Variants in HTR4 observed in about 807,000 individuals in gnomAD.
HTR4 encodes the protein 5-hydroxytryptamine receptor 4.
Under a neutral mutation model 36.8 loss-of-function variants are expected in HTR4, and 16 were observed. That is an observed-to-expected ratio of 0.43 (90% CI 0.29 to 0.66). The LOEUF is 0.66. Ranked by LOEUF, HTR4 falls within the 30% of genes least tolerant of loss-of-function variation. The pLI is 0.13. For missense variants in HTR4, 438 were observed against 490.9 expected (o/e 0.89, Z 1.02); for synonymous variants, 189 against 185.1 (o/e 1.02, Z -0.17).
chr5:148,567,718 T>G (rs1316986510), intron 2 of HTR4, among the ~76,000 whole-genome samples: 1 of 152,158 alleles, frequency 6.6e-6, no homozygotes, highest in Non-Finnish European at 1.5e-5. Context: ...CTAGGTTCCC[T>G]TTTTGTCTTC....
chr5:148,492,849 C>T lies in HTR4; in HGVS notation c.1077-9556G>A, dbSNP rs74484367. 2.3e-3 allele frequency among the ~76,000 whole-genome samples: 352 copies of T among 152,308 alleles called. 3 individuals are homozygous for T. The highest frequency in any genetic ancestry group is 7.7e-3 in the African/African-American group (319 of 41,574). On this transcript the variant is annotated intron_variant, in intron 6 of 6. Transcript: ENST00000377888. ...GAAACCCAGGTGGGCCAGATTCCAGCACCTGCAGCCATGGCACTGTGCTGG... is the reference window on the plus strand; with the variant it reads ...GAAACCCAGGTGGGCCAGATTCCAGTACCTGCAGCCATGGCACTGTGCTGG...
downstream of HTR4, among the ~76,000 whole-genome samples, chr5:148,471,929 G>C (rs1475034426): frequency 6.6e-6 from 1 of 152,136 alleles, no homozygotes; most frequent in South Asian, 2.1e-4. Flanking sequence ...TGAGAAAAAG[G>C]GAAACACAAA....
chr5:148,601,417 GC>G (rs1399786458), intron 2 of HTR4, among the ~76,000 whole-genome samples: 4 of 152,132 alleles, frequency 2.6e-5, no homozygotes, highest in Non-Finnish European at 5.9e-5. Flanking sequence ...TTTCATAATA[GC>G]CAAGATGGAA....
chr5:148,632,816 G>A (rs576721736), intron 2 of HTR4, among the ~76,000 whole-genome samples: 8 of 152,202 alleles, frequency 5.3e-5, no homozygotes, highest in South Asian at 2.1e-4. Flanking sequence ...CGTGTCAGCC[G>A]GGAGAATCTG....
intron 2 of HTR4, among the ~76,000 whole-genome samples, chr5:148,613,264 T>C (rs1161398954): frequency 0.023 from 3,278 of 139,524 alleles, 134 homozygotes; most frequent in African/African-American, 0.079. Flanking sequence ...TGATGAACAT[T>C]GATGCAAAAA....
intron 2 of HTR4, among the ~76,000 whole-genome samples, chr5:148,613,852 TG>T (rs1183014525): frequency 6.6e-6 from 1 of 152,056 alleles, no homozygotes; most frequent in Non-Finnish European, 1.5e-5. Context: ...ACAAAATCAA[TG>T]TGCAAAAATC....
At chr5:148,523,724 C>A (rs183566586) in intron 4 of HTR4, among the ~76,000 whole-genome samples, 1 of 152,126 alleles carries the variant, frequency 6.6e-6, no homozygotes, top group Non-Finnish European at 1.5e-5. Flanking sequence ...GCCCCACAGT[C>A]CTCTCCATCT....
intron 2 of HTR4, among the ~76,000 whole-genome samples, chr5:148,608,783 A>C (rs1256382233): frequency 6.6e-6 from 1 of 152,250 alleles, no homozygotes; most frequent in Non-Finnish European, 1.5e-5. Context: ...ATATTGCAGT[A>C]ACCCAGGTGA....
At chr5:148,591,309 G>A (rs1309004879) in intron 2 of HTR4, among the ~76,000 whole-genome samples, 1 of 151,956 alleles carries the variant, frequency 6.6e-6, no homozygotes. Flanking sequence ...TTGGCTATTA[G>A]GGCTCTTTTT....
At chr5:148,581,154 G>A (rs796643853) in intron 2 of HTR4, among the ~76,000 whole-genome samples, 4 of 152,014 alleles carry the variant, frequency 2.6e-5, no homozygotes, top group African/African-American at 7.2e-5. Flanking sequence ...CTTTGGAGAA[G>A]TGTCTATTCA....
At chr5:148,501,300 T>C (rs1281296560) in intron 6 of HTR4, among the ~76,000 whole-genome samples, 2 of 152,204 alleles carry the variant, frequency 1.3e-5, no homozygotes, top group Non-Finnish European at 2.9e-5. Flanking sequence ...GAAAAAGTTA[T>C]ATTTCTATGG....
chr5:148,481,839 T>A lies in HTR4; in HGVS notation c.*1364A>T. 1.5e-6 allele frequency: 2 copies of A among 1,308,546 alleles called. No individual in the cohort carries two copies. The highest frequency in any genetic ancestry group is 1.9e-6 in the Non-Finnish European group (2 of 1,034,402). 81.1% of individuals were successfully genotyped at this position (1,308,546 alleles called of 1,614,324 possible). A position where few individuals can be genotyped will look rare whatever the true frequency, so the allele number is the denominator to read the frequency against. On this transcript the variant is annotated 3_prime_UTR_variant, in exon 7 of 7. Coordinates refer to ENST00000377888, the MANE Select transcript of HTR4 (RefSeq NM_000870.7). The stretch of plus-strand genomic sequence containing the variant: ...CTGACTCAGCTTTGAATAAAAGACA[T>A]CCAGATTAATCTGAAGGACAAAGCT...
chr5:148,548,607 A>T, intron 4 of HTR4, 61 bp downstream of exon 4: 1 of 1,302,802 alleles, frequency 7.7e-7, no homozygotes, highest in Non-Finnish European at 1.1e-6. Flanking sequence ...GACACTGCCC[A>T]ATATCCATCA....
chr5:148,586,565 A>G (rs1761357361), intron 2 of HTR4, among the ~76,000 whole-genome samples: 1 of 152,112 alleles, frequency 6.6e-6, no homozygotes, highest in Admixed American at 6.5e-5. Context: ...CACTATCACA[A>G]GAACAGCATA....
rs1755954504 is a variant in HTR4, at chr5:148,482,882, CGTGA to C, written c.*317_*320del. The C allele has an allele frequency of 5.8e-6, 7 of 1,215,806 alleles. No individual in the cohort carries two copies. The South Asian group carries it at 6.5e-5, about 11-fold the overall frequency. 75.3% of individuals were successfully genotyped at this position (1,215,806 alleles called of 1,614,324 possible). On this transcript the variant is annotated 3_prime_UTR_variant, in exon 7 of 7. Transcript: ENST00000377888. ...ACGCAGCAAGCTATCGTGCTTAGAA[CGTGA>C]GTGAGACAGATCAGACACAGTGAGT... is the stretch of plus-strand genomic sequence containing the variant.
chr5:148,527,629 T>A (rs1049043915), intron 4 of HTR4, among the ~76,000 whole-genome samples: 14 of 152,164 alleles, frequency 9.2e-5, no homozygotes, highest in Non-Finnish European at 4.4e-5. Flanking sequence ...ACACATTTTT[T>A]AATTTGAAAC....
chr5:148,467,816 G>A (rs567782822), intron 5 of HTR4, among the ~76,000 whole-genome samples: 1 of 152,304 alleles, frequency 6.6e-6, no homozygotes, highest in Admixed American at 6.5e-5. Flanking sequence ...TACATACAGA[G>A]ATTGTCACTT....
chr5:148,554,856 T>G (rs917043222), intron 2 of HTR4, among the ~76,000 whole-genome samples: 1 of 152,190 alleles, frequency 6.6e-6, no homozygotes. Flanking sequence ...GTGTCTGTAA[T>G]GTACTCAGTG....
intron 5 of HTR4, among the ~76,000 whole-genome samples, chr5:148,457,096 G>A (rs1425293007): frequency 6.6e-6 from 1 of 152,084 alleles, no homozygotes; most frequent in Non-Finnish European, 1.5e-5. Flanking sequence ...TGCCTGCCTA[G>A]CCTGGCATTA....
Sources: gnomAD v4.1 joint callset for allele counts (sites outside exome capture counted in the v4.1 genomes callset) on GRCh38, gnomAD v4.1.1 for gene constraint, MANE v1.5 for transcripts, NCBI Gene and HGNC (gene_info 2026-07-23, HGNC 2026-07-21) for gene names.